SLC39A8: variants seen among roughly 807,000 people sequenced by gnomAD.
SLC39A8 encodes metal cation symporter ZIP8.
A neutral mutation model predicts 40.4 loss-of-function variants in SLC39A8; 15 were observed. The ratio of observed to expected loss-of-function variants is 0.37; its 90% confidence interval spans 0.25 to 0.57. The LOEUF is 0.57. Ranked by LOEUF, SLC39A8 falls within the 20% of genes least tolerant of loss-of-function variation. The pLI, the probability that SLC39A8 is intolerant of heterozygous loss-of-function variation, is 0.75. For synonymous variants in SLC39A8, 223 were observed against 221.6 expected (o/e 1.01, Z -0.06); for missense variants, 472 against 558.8 (o/e 0.84, Z 1.57).
At chr4:102,309,066 T>C (rs1420941103) in intron 3 of SLC39A8, among the ~76,000 whole-genome samples, 10 of 152,118 alleles carry the variant, frequency 6.6e-5, no homozygotes, top group African/African-American at 2.2e-4. Flanking sequence ...AATAAAACTG[T>C]AAAAATGTTT....
At chr4:102,286,247 G>A (rs1417538938) in intron 6 of SLC39A8, among the ~76,000 whole-genome samples, 3 of 152,118 alleles carry the variant, frequency 2.0e-5, no homozygotes, top group Non-Finnish European at 4.4e-5. Flanking sequence ...TAATTTACTT[G>A]AACCTCATAT....
chr4:102,258,660 G>T (rs1256282906), downstream of SLC39A8, among the ~76,000 whole-genome samples: 1 of 152,128 alleles, frequency 6.6e-6, no homozygotes, highest in Admixed American at 6.5e-5. Flanking sequence ...GAAAGAAAAG[G>T]GGATAAAAAA....
Position 102,345,460 on chromosome 4 carries a change from C to T in SLC39A8, c.-369G>A, listed in dbSNP as rs1255146135. 1.3e-5 allele frequency: 2 copies of T among 152,480 alleles called. No individual in the cohort carries two copies. Among genetic ancestry groups the T allele is most frequent in the African/African-American group, 4.8e-5 (2 of 41,466 alleles). The allele number at this position is 152,480 out of a possible 1,614,324, so 9.4% of individuals were successfully genotyped here. A position where few individuals can be genotyped will look rare whatever the true frequency, so the allele number is the denominator to read the frequency against. ...TCCCGCCCCCACAACCTCTGTATCT[C>T]TGACAGGTCCGCGGTGAAACTCCGC... On this transcript the variant is annotated 5_prime_UTR_variant, in exon 1 of 9. Coordinates refer to ENST00000356736, the MANE Select transcript of SLC39A8 (RefSeq NM_001135146.2).
At chr4:102,269,976 T>C (rs574505606) in intron 6 of SLC39A8, among the ~76,000 whole-genome samples, 19 of 152,246 alleles carry the variant, frequency 1.2e-4, no homozygotes, top group African/African-American at 4.6e-4. Context: ...GCATAAAAAA[T>C]GCCCCAGAGC....
At chr4:102,288,872 T>C (rs573013762) in intron 6 of SLC39A8, among the ~76,000 whole-genome samples, 3 of 152,124 alleles carry the variant, frequency 2.0e-5, no homozygotes, top group Non-Finnish European at 4.4e-5. Context: ...GCCATCTCTA[T>C]GACATAGAAG....
chr4:102,305,617 G>A (rs1389667351), intron 4 of SLC39A8, among the ~76,000 whole-genome samples: 2 of 151,926 alleles, frequency 1.3e-5, no homozygotes. Context: ...ACAGAACTGT[G>A]ATAAATCCTA....
In SLC39A8 at chr4:102,270,709, G is replaced by A. The variant is rs538388905; in HGVS notation, c.841-2630C>T. 2.1e-3 allele frequency among the ~76,000 whole-genome samples: 323 copies of A among 152,196 alleles called. 3 individuals are homozygous for A. The highest frequency in any genetic ancestry group is 7.5e-3 in the African/African-American group (310 of 41,524). ...AAGCTTGGCTGTGAGAAGAATTACC[G>A]TGTAATCTTCAGCAAGACTTGTAAC... On this transcript the variant is annotated intron_variant, in intron 6 of 8. Transcript: ENST00000356736.
Position 102,305,100 on chromosome 4 carries a change from A to G in SLC39A8, c.564T>C (p.Phe188=). The change falls in exon 5 of 9, where the codon TTT becomes TTC. Residue 188 remains phenylalanine, a synonymous_variant. Transcript: ENST00000356736. ...IFQLIPEAFG[F]DPKVDSYVEK... ...CAACATAACTGTCGACTTTGGGATC[A>G]AATCCAAATGCCTAAGGGAGAAAAA... The G allele has an allele frequency of 6.2e-7, 1 of 1,607,510 alleles. No homozygotes were observed. Among genetic ancestry groups the G allele is most frequent in the Non-Finnish European group, 8.5e-7 (1 of 1,177,402 alleles).
chr4:102,286,561 G>A (rs1016596664), intron 6 of SLC39A8, among the ~76,000 whole-genome samples: 1 of 152,078 alleles, frequency 6.6e-6, no homozygotes, highest in African/African-American at 2.4e-5. Context: ...AACGGTAGAG[G>A]TTCTTCACAA....
At chr4:102,314,943 G>A (rs756827116) in intron 3 of SLC39A8, among the ~76,000 whole-genome samples, 3 of 151,970 alleles carry the variant, frequency 2.0e-5, no homozygotes, top group Non-Finnish European at 4.4e-5. Context: ...TTGGTATGTC[G>A]TTCAATAAAT....
At chr4:102,334,473 T>C (rs1265468546) in intron 2 of SLC39A8, among the ~76,000 whole-genome samples, 1 of 152,136 alleles carries the variant, frequency 6.6e-6, no homozygotes, top group Non-Finnish European at 1.5e-5. Context: ...GAGGAAGTAA[T>C]AATGAGTTTT....
intron 2 of SLC39A8, chr4:102,324,232 T>C: frequency 5.6e-6 from 2 of 359,400 alleles, no homozygotes; most frequent in South Asian, 3.9e-5. Context: ...CCGTCTATAC[T>C]AAAAATATAA....
chr4:102,340,652 T>C (rs2149057545), intron 2 of SLC39A8, among the ~76,000 whole-genome samples: 1 of 152,368 alleles, frequency 6.6e-6, no homozygotes, highest in South Asian at 2.1e-4. Context: ...ATGAATGATA[T>C]GATCAGATTT....
downstream of SLC39A8, chr4:102,259,388 T>C: frequency 8.9e-7 from 1 of 1,122,136 alleles, no homozygotes; most frequent in Non-Finnish European, 1.3e-6. Context: ...GCAGAAGGAA[T>C]TAAGCCATTG....
chr4:102,320,176 T>C (rs1325728006), intron 2 of SLC39A8, among the ~76,000 whole-genome samples: 1 of 100,246 alleles, frequency 1.0e-5, no homozygotes, highest in South Asian at 3.6e-4. Context: ...TACATATATA[T>C]ATATATATAT....
Position 102,304,471 on chromosome 4 carries a change from G to A in SLC39A8, c.686C>T (p.Thr229Ile). Residue 229 changes from threonine (T) to isoleucine (I), a missense_variant, in exon 6 of 9, where the codon ACC becomes ATC. Physicochemically the swap from Thr to Ile is moderately conservative, Grantham distance 89. Coordinates refer to ENST00000356736, the MANE Select transcript of SLC39A8 (RefSeq NM_001135146.2). The stretch of plus-strand genomic sequence containing the variant: ...ACCAAAGTTATCATTTCCAAAGTGG[G>A]TATGACCATTCTATATGGGAACAAA... ...LLKTYGQNGH[T>I]HFGNDNFGPQ... 1 of 1,610,056 alleles carries A rather than the reference G, an allele frequency of 6.2e-7. No homozygotes were observed. Among genetic ancestry groups the A allele is most frequent in the Non-Finnish European group, 8.5e-7 (1 of 1,177,572 alleles).
chr4:102,266,004 T>G (rs965119917), intron 8 of SLC39A8, among the ~76,000 whole-genome samples: 2 of 152,230 alleles, frequency 1.3e-5, no homozygotes, highest in Admixed American at 6.5e-5. Flanking sequence ...CTAAAACACT[T>G]TTGCTAGCTA....
chr4:102,307,483 C>T lies in SLC39A8; in HGVS notation c.505G>A (p.Ala169Thr). The T allele has an allele frequency of 1.2e-6, 2 of 1,613,376 alleles. No homozygotes were observed. The highest frequency in any genetic ancestry group is 1.7e-6 in the Non-Finnish European group (2 of 1,179,582). ...PKILTFFVGL[A>T]IGTLFSNAIF... ...GCATTTGAAAAAAGAGTCCCAATAG[C>T]CAGCCCCACAAAAAAGGTCAAAATC... The change falls in exon 4 of 9, where the codon GCT becomes ACT. Residue 169 changes from alanine (A) to threonine (T), a missense_variant. Physicochemically the swap from Ala to Thr is moderately conservative, Grantham distance 58 (BLOSUM62 0). Around this residue, in one of 4 missense-constraint regions of SLC39A8, gnomAD observed 239 missense variants for 317.9 expected, o/e 0.75. Transcript: ENST00000356736.
chr4:102,284,092 T>C (rs1309752602), intron 6 of SLC39A8, among the ~76,000 whole-genome samples: 2 of 152,248 alleles, frequency 1.3e-5, no homozygotes, highest in Non-Finnish European at 2.9e-5. Context: ...CAGGACATTT[T>C]AAAATTTATT....
Sources: gnomAD v4.1 joint callset for allele counts (sites outside exome capture counted in the v4.1 genomes callset) on GRCh38, gnomAD v4.1.1 for gene constraint, gnomAD v4.1.1 regional missense constraint, MANE v1.5 for transcripts, NCBI Gene and HGNC (gene_info 2026-07-23, HGNC 2026-07-21) for gene names.